Variants in DCDC2C observed in about 807,000 individuals in gnomAD.
DCDC2C encodes the protein doublecortin domain-containing protein 2C.
In DCDC2C, 44 loss-of-function variants were observed where a neutral mutation model predicts 45.0. That is an observed-to-expected ratio of 0.98 (90% CI 0.77 to 1.26). The LOEUF is 1.26. DCDC2C is among the 50% of genes most tolerant of loss of function. DCDC2C has a pLI of 0.00. For synonymous variants in DCDC2C, 187 were observed against 178.8 expected, an observed-to-expected ratio of 1.05 and a Z score of -0.37; for missense variants, 447 against 468.9, an observed-to-expected ratio of 0.95 and a Z score of 0.43.
chr2:3,740,692 C>G (rs1217833008), intron 3 of DCDC2C, among the ~76,000 whole-genome samples: 3 of 152,146 alleles, frequency 2.0e-5, no homozygotes, highest in Non-Finnish European at 4.4e-5. Flanking sequence ...CTTTTTATGA[C>G]TTCTTGTGGG....
intron 10 of DCDC2C, among the ~76,000 whole-genome samples, chr2:3,840,352 C>T (rs574379537): frequency 7.2e-5 from 11 of 152,292 alleles, no homozygotes; most frequent in Middle Eastern, 3.4e-3. Context: ...GCATGCAGCT[C>T]GCTGCCCGCT....
At chr2:3,706,921 A>G (rs1266481644) in intron 1 of DCDC2C, among the ~76,000 whole-genome samples, 1 of 152,240 alleles carries the variant, frequency 6.6e-6, no homozygotes, top group Non-Finnish European at 1.5e-5. Context: ...TCCATAAAGC[A>G]GGCTGGCTTC....
intron 6 of DCDC2C, among the ~76,000 whole-genome samples, chr2:3,760,300 A>G (rs1223525193): frequency 6.6e-6 from 1 of 152,196 alleles, no homozygotes; most frequent in Non-Finnish European, 1.5e-5. Context: ...CCATTTCCCT[A>G]CCATTTGACC....
intron 8 of DCDC2C, among the ~76,000 whole-genome samples, chr2:3,772,523 A>G (rs882418): frequency 0.31 from 46,991 of 151,920 alleles, 7,568 homozygotes; most frequent in South Asian, 0.41. Flanking sequence ...TGTGCAGAGG[A>G]GGACAAAATG....
chr2:3,806,043 C>T (rs575618906), intron 10 of DCDC2C, among the ~76,000 whole-genome samples: 1 of 151,928 alleles, frequency 6.6e-6, no homozygotes, highest in South Asian at 2.1e-4. Flanking sequence ...GCTGCATTGC[C>T]CAGGCTGGTC....
intron 10 of DCDC2C, among the ~76,000 whole-genome samples, chr2:3,834,587 A>G (rs2034730): frequency 0.45 from 68,152 of 152,044 alleles, 15,856 homozygotes; most frequent in South Asian, 0.52. Context: ...GGTCACTTGC[A>G]TTGCACATGA....
intron 6 of DCDC2C, among the ~76,000 whole-genome samples, chr2:3,758,647 C>A (rs1322993614): frequency 1.3e-5 from 2 of 152,116 alleles, no homozygotes; most frequent in Non-Finnish European, 2.9e-5. Flanking sequence ...ACAAACCACC[C>A]CCAAACCCAG....
At chr2:3,763,280 C>T (rs1474150492) in intron 6 of DCDC2C, among the ~76,000 whole-genome samples, 1 of 152,194 alleles carries the variant, frequency 6.6e-6, no homozygotes, top group African/African-American at 2.4e-5. Flanking sequence ...AGGCAGGCAC[C>T]ATCTCCATTC....
chr2:3,837,604 A>G (rs534355536), intron 10 of DCDC2C, among the ~76,000 whole-genome samples: 10 of 148,842 alleles, frequency 6.7e-5, no homozygotes, highest in Admixed American at 3.4e-4. Context: ...TTCTCATCTA[A>G]AGGGGAAGAA....
chr2:3,736,479 C>T (rs903571696), intron 3 of DCDC2C, among the ~76,000 whole-genome samples: 1 of 152,120 alleles, frequency 6.6e-6, no homozygotes, highest in African/African-American at 2.4e-5. Flanking sequence ...GTGACTTCTC[C>T]TGTTGAGTTT....
Position 3,761,998 on chromosome 2 carries a change from A to G in DCDC2C, c.727-5756A>G, listed in dbSNP as rs1301406839. On this transcript the variant is annotated intron_variant, in intron 6 of 10. Transcript: ENST00000399143. This position sits in a 1 kb window ranked among gnomAD's most constrained non-coding sequence, Gnocchi z 4.3. ...TTTCAATAGGGAGAAAGATGAATGAAATTGAGAAGCGGTACCTGTCCCCTT... is the reference window on the plus strand; with the variant it reads ...TTTCAATAGGGAGAAAGATGAATGAGATTGAGAAGCGGTACCTGTCCCCTT... Among the ~76,000 whole-genome samples, 1 of 152,186 alleles carries G rather than the reference A, an allele frequency of 6.6e-6. No homozygotes were observed. The highest frequency in any genetic ancestry group is 1.9e-4 in the East Asian group (1 of 5,202).
At chr2:3,723,160 G>C (rs1297778562) in intron 2 of DCDC2C, among the ~76,000 whole-genome samples, 1 of 152,170 alleles carries the variant, frequency 6.6e-6, no homozygotes, top group Non-Finnish European at 1.5e-5. Flanking sequence ...TCATGAAATA[G>C]TTATTGAATT....
intron 2 of DCDC2C, chr2:3,726,151 A>G (rs1296660297): frequency 6.6e-6 from 1 of 152,532 alleles, no homozygotes; most frequent in East Asian, 1.9e-4. Context: ...AGGGACCCCA[A>G]GCTTCTTATC....
rs115974184 is a variant in DCDC2C, at chr2:3,734,099, G to C, written c.416+7020G>C. On this transcript the variant is annotated intron_variant, in intron 3 of 10. Transcript: ENST00000399143. The surrounding 1 kb of genome is among the most constrained non-coding windows in gnomAD (Gnocchi z 4.2). ...CTGCTATTTGACTGGGCTACCGGCT[G>C]CTGTCGTAAATCCCCCATTTCCGTG... 6.0e-3 allele frequency among the ~76,000 whole-genome samples: 907 copies of C among 152,334 alleles called. 5 individuals carry two copies. Among genetic ancestry groups the C allele is most frequent in the African/African-American group, 0.021 (866 of 41,572 alleles).
intron 10 of DCDC2C, among the ~76,000 whole-genome samples, chr2:3,787,547 T>C (rs1053269508): frequency 6.6e-6 from 1 of 152,248 alleles, no homozygotes; most frequent in Non-Finnish European, 1.5e-5. Flanking sequence ...GCATCGGGCA[T>C]GCACAATGCC....
At chr2:3,841,400 ATAT>A (rs1159197220) in intron 10 of DCDC2C, among the ~76,000 whole-genome samples, 9 of 150,000 alleles carry the variant, frequency 6.0e-5, no homozygotes, top group African/African-American at 1.2e-4. Flanking sequence ...TTAATATTTT[ATAT>A]TATTTTATAT....
At chr2:3,730,108 G>A (rs931811149) in intron 3 of DCDC2C, among the ~76,000 whole-genome samples, 48 of 152,176 alleles carry the variant, frequency 3.2e-4, no homozygotes, top group African/African-American at 9.9e-4. Context: ...ACCCTCCCAC[G>A]AGGGTGGTAT....
intron 10 of DCDC2C, among the ~76,000 whole-genome samples, chr2:3,792,578 C>T (rs1383930383): frequency 6.6e-6 from 1 of 152,084 alleles, no homozygotes; most frequent in East Asian, 1.9e-4. Flanking sequence ...AGGTACCAAA[C>T]AAGCTGGAGT....
intron 10 of DCDC2C, among the ~76,000 whole-genome samples, chr2:3,802,341 T>A (rs1671133973): frequency 6.6e-6 from 1 of 152,246 alleles, no homozygotes; most frequent in Non-Finnish European, 1.5e-5. Flanking sequence ...TGGAAAGATG[T>A]TGAGATGGCC....
Sources: allele counts gnomAD v4.1 joint callset (sites outside exome capture counted in the v4.1 genomes callset), GRCh38; gene constraint gnomAD v4.1.1; non-coding constraint Gnocchi (gnomAD v3.1); transcripts MANE v1.5; gene names NCBI Gene and HGNC (gene_info 2026-07-23, HGNC 2026-07-21).